PMFBP1: variants seen among roughly 807,000 people sequenced by gnomAD.
The protein encoded by PMFBP1 is polyamine modulated factor 1 binding protein 1.
PMFBP1 carries 131 observed loss-of-function variants against 137.8 expected under a neutral mutation model. The observed-to-expected ratio is 0.95, with a 90% confidence interval of 0.82 to 1.10. PMFBP1 has a LOEUF of 1.10. PMFBP1 is among the 50% of genes least tolerant of loss of function. PMFBP1 has a pLI of 0.00. For missense variants in PMFBP1, 1,199 were observed against 1,175.4 expected (o/e 1.02, Z -0.29); for synonymous variants, 490 against 450.4 (o/e 1.09, Z -1.11).
chr16:72,223,819 A>T, the PMFBP1 span, among the ~76,000 whole-genome samples: 4 of 152,238 alleles, frequency 2.6e-5, no homozygotes, highest in Non-Finnish European at 5.9e-5. Context: ...ACTGAAAGGA[A>T]TATAATACAT....
At chr16:72,131,816 T>A in intron 10 of PMFBP1, among the ~76,000 whole-genome samples, 1 of 152,178 alleles carries the variant, frequency 6.6e-6, no homozygotes, top group East Asian at 1.9e-4. Flanking sequence ...TATAAATTGA[T>A]AAGTAATTCA....
the PMFBP1 span, among the ~76,000 whole-genome samples, chr16:72,237,405 G>A: frequency 6.6e-6 from 1 of 151,852 alleles, no homozygotes; most frequent in African/African-American, 2.4e-5. Flanking sequence ...TAGAAGACTG[G>A]GGGTTCCAGG....
At chr16:72,165,418 CTTTT>C (rs111960622) in intron 2 of PMFBP1, among the ~76,000 whole-genome samples, 1 of 143,880 alleles carries the variant, frequency 7.0e-6, no homozygotes, top group Non-Finnish European at 1.5e-5. Flanking sequence ...TTCTTTCTTT[CTTTT>C]TTTTTTTTTT....
At chr16:72,218,778 C>T in the PMFBP1 span, among the ~76,000 whole-genome samples, 1 of 152,150 alleles carries the variant, frequency 6.6e-6, no homozygotes, top group Non-Finnish European at 1.5e-5. Context: ...CTACCATGTG[C>T]AAAATATATT....
chr16:72,245,165 T>A, the PMFBP1 span, among the ~76,000 whole-genome samples: 1 of 152,280 alleles, frequency 6.6e-6, no homozygotes, highest in African/African-American at 2.4e-5. Flanking sequence ...ATTTAATCAA[T>A]TCTCCTCATT....
chr16:72,204,075 A>C, the PMFBP1 span, among the ~76,000 whole-genome samples: 1 of 150,310 alleles, frequency 6.7e-6, no homozygotes, highest in Non-Finnish European at 1.5e-5. Context: ...TTTGAAAGCT[A>C]CTCCTTTTCC....
Position 72,126,087 on chromosome 16 carries a change from C to G in PMFBP1, c.2134G>C (p.Asp712His). 6.2e-7 allele frequency: 1 copy of G among 1,614,166 alleles called. No individual in the cohort carries two copies. Among genetic ancestry groups the G allele is most frequent in the Non-Finnish European group, 8.5e-7 (1 of 1,180,018 alleles). The change falls in exon 15 of 21, where the codon GAC (aspartate) becomes CAC (histidine). Residue 712 changes from aspartate (D) to histidine (H), a missense_variant. By Grantham distance (81) the Asp-to-His change is moderately conservative (BLOSUM62 -1). Coordinates refer to ENST00000237353, the MANE Select transcript of PMFBP1 (RefSeq NM_031293.3). ...TGCTTCTCCTTCTGCAGAGCTTTGT[C>G]CAGCTGGGCCTGCAGGCTCATTAAG... is the stretch of plus-strand genomic sequence containing the variant. Reference protein sequence around the residue: ...ESLMSLQAQLDKALQKEKHYL... With the variant: ...ESLMSLQAQLHKALQKEKHYL...
At chr16:72,206,235 T>C in the PMFBP1 span, among the ~76,000 whole-genome samples, 1 of 152,298 alleles carries the variant, frequency 6.6e-6, no homozygotes, top group East Asian at 1.9e-4. Context: ...TTTCATTTTA[T>C]GGGTTGGTGA....
At chr16:72,135,899 C>G (rs777588006) in intron 9 of PMFBP1, among the ~76,000 whole-genome samples, 2 of 151,044 alleles carry the variant, frequency 1.3e-5, no homozygotes, top group Non-Finnish European at 2.9e-5. Context: ...GGACTACAGG[C>G]GCACACCACC....
intron 4 of PMFBP1, among the ~76,000 whole-genome samples, chr16:72,151,148 T>C (rs2042896668): frequency 6.6e-6 from 1 of 152,188 alleles, no homozygotes; most frequent in South Asian, 2.1e-4. Context: ...ATAGCTCTGT[T>C]TTTTAAGGGC....
chr16:72,203,049 T>C, the PMFBP1 span, among the ~76,000 whole-genome samples: 2 of 152,222 alleles, frequency 1.3e-5, no homozygotes, highest in Non-Finnish European at 2.9e-5. Context: ...AGTGTGTGGC[T>C]GGCTAGGGTG....
chr16:72,154,108 T>G (rs1412387568), intron 4 of PMFBP1, 103 bp downstream of exon 4: 21 of 1,452,206 alleles, frequency 1.4e-5, no homozygotes, highest in Admixed American at 6.4e-5. Context: ...CTCGGGATGT[T>G]GCAAAGCTCT....
the PMFBP1 span, among the ~76,000 whole-genome samples, chr16:72,208,673 T>C: frequency 6.6e-6 from 1 of 152,246 alleles, no homozygotes; most frequent in African/African-American, 2.4e-5. Flanking sequence ...TTATCAAAGT[T>C]AATTTTTCTG....
intron 3 of PMFBP1, among the ~76,000 whole-genome samples, chr16:72,159,346 G>T (rs1458957372): frequency 1.3e-5 from 2 of 152,198 alleles, no homozygotes; most frequent in Non-Finnish European, 2.9e-5. Context: ...GCCTGGCAGG[G>T]ATACTGGTGA....
Position 72,139,257 on chromosome 16 carries a change from C to T in PMFBP1, c.918+32G>A, listed in dbSNP as rs758371126. ...GAATCAAACCCAGCTCAGCCCGATCCCAGTAGGCACAGATCAGCAAATTTC... is the reference window on the plus strand; with the variant it reads ...GAATCAAACCCAGCTCAGCCCGATCTCAGTAGGCACAGATCAGCAAATTTC... On this transcript the variant is annotated intron_variant, in intron 7 of 20. Coordinates refer to ENST00000237353, the MANE Select transcript of PMFBP1 (RefSeq NM_031293.3). The T allele has an allele frequency of 5.3e-6, 8 of 1,509,764 alleles. No individual in the cohort carries two copies. The South Asian group carries it at 8.0e-5, about 15-fold the overall frequency. The allele number at this position is 1,509,764 out of a possible 1,614,324, so 93.5% of individuals were successfully genotyped here. A position where few individuals can be genotyped will look rare whatever the true frequency, so the allele number is the denominator to read the frequency against.
chr16:72,134,031 C>T (rs941294675), intron 9 of PMFBP1, among the ~76,000 whole-genome samples: 3 of 152,108 alleles, frequency 2.0e-5, no homozygotes, highest in Non-Finnish European at 4.4e-5. Flanking sequence ...GCAGGAGAAT[C>T]GCTTGAACCT....
intron 5 of PMFBP1, among the ~76,000 whole-genome samples, chr16:72,143,200 G>T (rs34714490): frequency 0.29 from 43,347 of 152,028 alleles, 6,489 homozygotes; most frequent in South Asian, 0.41. Flanking sequence ...TTGAAAATAA[G>T]CCAAGAACAG....
At chr16:72,178,064 G>T (rs1395843215), upstream of PMFBP1, among the ~76,000 whole-genome samples, 1 of 151,972 alleles carries the variant, frequency 6.6e-6, no homozygotes, top group Non-Finnish European at 1.5e-5. Context: ...GCTAATTTTT[G>T]TATTTTTTTG....
chr16:72,120,245 G>T, intron 19 of PMFBP1, 156 bp from the exon 20 acceptor site: 1 of 1,252,882 alleles, frequency 8.0e-7, no homozygotes, highest in African/African-American at 1.5e-5. Context: ...AGAAATGGAA[G>T]CCTACGTGTG....
Sources: gnomAD v4.1 joint callset for allele counts (sites outside exome capture counted in the v4.1 genomes callset) on GRCh38, gnomAD v4.1.1 for gene constraint, MANE v1.5 for transcripts, NCBI Gene and HGNC (gene_info 2026-07-23, HGNC 2026-07-21) for gene names.